Variants in CACNA1C observed in about 807,000 individuals in gnomAD.
The protein encoded by CACNA1C is voltage-dependent L-type calcium channel subunit alpha-1C.
Under a neutral mutation model 229.0 loss-of-function variants are expected in CACNA1C, and 30 were observed. The ratio of observed to expected loss-of-function variants is 0.13; its 90% CI spans 0.10 to 0.18. The LOEUF (loss-of-function observed/expected upper bound fraction) is 0.18, where lower values mean the gene tolerates loss of function less well. Ranked by LOEUF, CACNA1C falls within the 10% of genes least tolerant of loss-of-function variation. CACNA1C has a pLI of 1.00. For synonymous variants in CACNA1C, 1,114 were observed against 1,132.5 expected, an observed-to-expected ratio of 0.98 and a Z score of 0.33; for missense variants, 1,658 against 2,845.0, an observed-to-expected ratio of 0.58 and a Z score of 9.49.
intron 38 of CACNA1C, among the ~76,000 whole-genome samples, chr12:2,670,855 A>AAAAAT (rs1259750784): frequency 6.6e-6 from 1 of 151,958 alleles, no homozygotes; most frequent in South Asian, 2.1e-4. Context: ...CTCCATCTGA[A>AAAAAT]AAAATAAAAT....
intron 34 of CACNA1C, among the ~76,000 whole-genome samples, chr12:2,655,962 C>T (rs921800472): frequency 2.0e-5 from 3 of 152,166 alleles, no homozygotes; most frequent in South Asian, 2.1e-4. Flanking sequence ...ATAAAGGCCA[C>T]GTATGACAAG....
In CACNA1C at chr12:2,123,858, A is replaced by G. The variant is rs547476630; in HGVS notation, c.477+3428A>G. Reference sequence around the variant, plus strand: ...CTTCATTTATAAAATGGAAATAACGATAATGACAGTACCTACCTCATAGGG... The same window carrying G: ...CTTCATTTATAAAATGGAAATAACGGTAATGACAGTACCTACCTCATAGGG... On this transcript the variant is annotated intron_variant, in intron 3 of 46. Transcript: ENST00000399655. Among the ~76,000 whole-genome samples the G allele has an allele frequency of 8.5e-5, 13 of 152,354 alleles. No homozygotes were observed. The South Asian group carries it at 2.7e-3, about 32-fold the overall frequency.
At chr12:2,209,176 A>G (rs2097847832) in intron 3 of CACNA1C, among the ~76,000 whole-genome samples, 1 of 152,220 alleles carries the variant, frequency 6.6e-6, no homozygotes, top group African/African-American at 2.4e-5. Context: ...ACAGTACCAC[A>G]GTGAAGTCTT....
At position 2,053,047 on chromosome 12, in the gene CACNA1C, G is replaced by A; in HGVS notation, c.-516G>A. 1.0e-6 allele frequency: 1 copy of A among 984,080 alleles called. No homozygotes were observed. The highest frequency in any genetic ancestry group is 1.2e-6 in the Non-Finnish European group (1 of 829,410). 61.0% of individuals were successfully genotyped at this position (984,080 alleles called of 1,614,324 possible). On this transcript the variant is annotated 5_prime_UTR_variant, in exon 1 of 47. Coordinates refer to ENST00000399655, the MANE Select transcript of CACNA1C (RefSeq NM_000719.7). The surrounding 1 kb of genome is among the most constrained non-coding windows in gnomAD (Gnocchi z 5.8). ...GCCAGAGCGGCGCTCGGCGCGGCGC[G>A]GCGGGCCCGGAGCGGCGGCGGCGGC...
chr12:2,263,331 G>A (rs1379244105), intron 3 of CACNA1C, among the ~76,000 whole-genome samples: 3 of 152,168 alleles, frequency 2.0e-5, no homozygotes, highest in African/African-American at 7.2e-5. Context: ...CCCTCAGGTA[G>A]GAGCAGGGAG....
At chr12:2,261,320 CA>C (rs770617980) in intron 3 of CACNA1C, among the ~76,000 whole-genome samples, 2 of 151,560 alleles carry the variant, frequency 1.3e-5, no homozygotes, top group African/African-American at 2.4e-5. Flanking sequence ...TTTTGTAAAA[CA>C]AAAAAACAGA....
intron 3 of CACNA1C, among the ~76,000 whole-genome samples, chr12:2,297,978 C>T (rs1034866995): frequency 1.3e-5 from 2 of 152,172 alleles, no homozygotes; most frequent in Admixed American, 6.5e-5. Flanking sequence ...TTCAGAGGAC[C>T]TCAGCAGTTC....
chr12:2,497,641 C>T (rs1339375293), intron 7 of CACNA1C, among the ~76,000 whole-genome samples: 2 of 152,160 alleles, frequency 1.3e-5, no homozygotes, highest in Non-Finnish European at 2.9e-5. Flanking sequence ...CCTATTGGGA[C>T]CACCCTCTTC....
rs149011766 is a variant in CACNA1C, at chr12:2,589,675, G to A, written c.2531-3538G>A. ...CAGAGGAGGCCCTGACCTGATGTCC[G>A]ACTCACCCTTTCAGAGATTCCCTCT... On this transcript the variant is annotated intron_variant, in intron 18 of 46. Coordinates refer to ENST00000399655, the MANE Select transcript of CACNA1C (RefSeq NM_000719.7). Among the ~76,000 whole-genome samples, 194 of 145,324 alleles carry A rather than the reference G, an allele frequency of 1.3e-3. 4 individuals are homozygous for A. The highest frequency in any genetic ancestry group is 4.5e-3 in the African/African-American group (186 of 41,014).
intron 3 of CACNA1C, among the ~76,000 whole-genome samples, chr12:2,444,114 G>T (rs2099254363): frequency 6.6e-6 from 1 of 152,094 alleles, no homozygotes; most frequent in Non-Finnish European, 1.5e-5. Context: ...AAACAATCAG[G>T]CATGAGGATT....
Position 2,595,752 on chromosome 12 carries a change from G to A in CACNA1C, c.2664-122G>A, listed in dbSNP as rs1207992157. Reference sequence around the variant, plus strand: ...ACTTCAGAATGAAGAGGTCACTTCAGGCCAACAAGCACCTGTTGCCAGCTG... The same window carrying A: ...ACTTCAGAATGAAGAGGTCACTTCAAGCCAACAAGCACCTGTTGCCAGCTG... On this transcript the variant is annotated intron_variant, in intron 19 of 46. Transcript: ENST00000399655. This position sits in a 1 kb window ranked among gnomAD's most constrained non-coding sequence, Gnocchi z 4.1. The A allele has an allele frequency of 1.2e-6, 1 of 850,636 alleles. No homozygotes were observed. The highest frequency in any genetic ancestry group is 3.4e-4 in the Middle Eastern group (1 of 2,976). 52.7% of individuals were successfully genotyped at this position (850,636 alleles called of 1,614,324 possible).
At position 2,319,662 on chromosome 12, in the gene CACNA1C, C is replaced by G. The variant is rs1042970306; in HGVS notation, c.478-129314C>G. Among the ~76,000 whole-genome samples the G allele has an allele frequency of 2.6e-5, 4 of 152,150 alleles. No homozygotes were observed. Among genetic ancestry groups the G allele is most frequent in the Non-Finnish European group, 5.9e-5 (4 of 68,032 alleles). ...ATCTTCTTCAGACATTTCTTTTACT[C>G]TTTGGCTTGCTCTTGCTGTGTATTA... On this transcript the variant is annotated intron_variant, in intron 3 of 46. Transcript: ENST00000399655. The surrounding 1 kb of genome is among the most constrained non-coding windows in gnomAD (Gnocchi z 4.0).
intron 3 of CACNA1C, among the ~76,000 whole-genome samples, chr12:2,172,341 C>G (rs1197372607): frequency 6.6e-6 from 1 of 152,222 alleles, no homozygotes; most frequent in African/African-American, 2.4e-5. Flanking sequence ...TAAAAGGCAG[C>G]CTTTCCAGAC....
intron 29 of CACNA1C, among the ~76,000 whole-genome samples, chr12:2,620,189 A>T (rs910028353): frequency 7.9e-5 from 12 of 152,350 alleles, no homozygotes; most frequent in Middle Eastern, 3.4e-3. Context: ...AAAAAGGCTA[A>T]GTCCAGAGCT....
chr12:2,341,429 G>A (rs2024077), intron 3 of CACNA1C, among the ~76,000 whole-genome samples: 110,525 of 152,074 alleles, frequency 0.73, 40,890 homozygotes, highest in African/African-American at 0.88. Flanking sequence ...AGGCAGCCCA[G>A]GTGAGGCCCT....
chr12:2,239,828 C>G lies in CACNA1C; in HGVS notation c.477+119398C>G, dbSNP rs113661801. Among the ~76,000 whole-genome samples the G allele has an allele frequency of 5.3e-5, 8 of 152,196 alleles. No homozygotes were observed. The South Asian group carries it at 1.5e-3, about 28-fold the overall frequency. ...GCAGCCAGCGAGCATCTGCGGGGGG[C>G]GGTGAAGGCTGAGGATGCCCAGACA... On this transcript the variant is annotated intron_variant, in intron 3 of 46. Transcript: ENST00000399655.
intron 3 of CACNA1C, among the ~76,000 whole-genome samples, chr12:2,315,046 C>G (rs1407269597): frequency 6.6e-6 from 1 of 152,172 alleles, no homozygotes; most frequent in Non-Finnish European, 1.5e-5. Context: ...GATTCCTGGC[C>G]TAGTTGCCTT....
chr12:2,687,546 T>C (rs2097570061), intron 45 of CACNA1C, among the ~76,000 whole-genome samples: 1 of 151,876 alleles, frequency 6.6e-6, no homozygotes, highest in Non-Finnish European at 1.5e-5. Context: ...GACTTTTTTT[T>C]TTTTTTTTTT....
intron 29 of CACNA1C, among the ~76,000 whole-genome samples, chr12:2,621,837 G>C (rs1057066980): frequency 1.3e-5 from 2 of 152,192 alleles, no homozygotes; most frequent in African/African-American, 4.8e-5. Flanking sequence ...AAGTGAGAAT[G>C]TGGGGATATA....
Sources: allele counts gnomAD v4.1 joint callset (sites outside exome capture counted in the v4.1 genomes callset), GRCh38; gene constraint gnomAD v4.1.1; non-coding constraint Gnocchi (gnomAD v3.1); transcripts MANE v1.5; gene names NCBI Gene and HGNC (gene_info 2026-07-23, HGNC 2026-07-21).